The following DPYD variants were observed in gnomAD, a reference collection of about 807,000 sequenced individuals.
DPYD encodes dihydropyrimidine dehydrogenase [NADP(+)].
In DPYD, 109 loss-of-function variants were observed where a neutral mutation model predicts 116.2. The observed-to-expected ratio is 0.94, with a 90% CI of 0.80 to 1.10. The LOEUF (loss-of-function observed/expected upper bound fraction) is 1.10, where lower values mean the gene tolerates loss of function less well. DPYD is among the 50% of genes least tolerant of loss of function. The pLI, the probability that DPYD is intolerant of heterozygous loss-of-function variation, is 0.00. For synonymous variants in DPYD, 440 were observed against 432.0 expected, an observed-to-expected ratio of 1.02 and a Z score of -0.23; for missense variants, 1,302 against 1,254.5, an observed-to-expected ratio of 1.04 and a Z score of -0.57.
At chr1:97,850,220 A>G (rs959177521) in intron 2 of DPYD, among the ~76,000 whole-genome samples, 3 of 152,154 alleles carry the variant, frequency 2.0e-5, no homozygotes, top group African/African-American at 7.2e-5. Flanking sequence ...AATAGCTAAC[A>G]CCGCAGGCAA....
intron 7 of DPYD, among the ~76,000 whole-genome samples, chr1:97,690,201 A>G (rs1660942320): frequency 6.6e-6 from 1 of 152,054 alleles, no homozygotes; most frequent in Non-Finnish European, 1.5e-5. Context: ...AACGTTCTAG[A>G]TATTAATAGA....
chr1:97,618,828 C>T lies in DPYD; in HGVS notation c.851-23662G>A, dbSNP rs77605886. ...CACCATCACAGATTAATGAAGGGCA[C>T]GGGGTTCCTTGCCCATAGCTTAATA... is the stretch of plus-strand genomic sequence containing the variant. On this transcript the variant is annotated intron_variant, in intron 8 of 22. Coordinates refer to ENST00000370192, the MANE Select transcript of DPYD (RefSeq NM_000110.4). 4.0e-3 allele frequency among the ~76,000 whole-genome samples: 606 copies of T among 152,234 alleles called. 2 individuals are homozygous for T. The highest frequency in any genetic ancestry group is 0.014 in the African/African-American group (576 of 41,558).
At chr1:97,474,013 CT>C (rs1159652978) in intron 13 of DPYD, among the ~76,000 whole-genome samples, 80 of 77,200 alleles carry the variant, frequency 1.0e-3, no homozygotes, top group African/African-American at 3.3e-3. Context: ...GAGAAACTGT[CT>C]TTAAAAAAAA....
At chr1:97,779,830 T>C (rs919838466) in intron 3 of DPYD, among the ~76,000 whole-genome samples, 1 of 152,228 alleles carries the variant, frequency 6.6e-6, no homozygotes, top group East Asian at 1.9e-4. Flanking sequence ...GATAAGAATT[T>C]AGAAGTTGAA....
At chr1:97,221,658 A>G (rs1419924773) in intron 19 of DPYD, among the ~76,000 whole-genome samples, 1 of 152,140 alleles carries the variant, frequency 6.6e-6, no homozygotes, top group African/African-American at 2.4e-5. Flanking sequence ...TAAAACAAAT[A>G]TCAAAGTGTA....
chr1:97,233,365 G>C (rs72726646), intron 19 of DPYD, among the ~76,000 whole-genome samples: 2,010 of 152,202 alleles, frequency 0.013, 15 homozygotes, highest in Middle Eastern at 0.051. Flanking sequence ...ACTGCAGAAG[G>C]GGGGAGGACG....
At chr1:97,394,521 A>G (rs1220219312) in intron 14 of DPYD, 1 of 152,052 alleles carries the variant, frequency 6.6e-6, no homozygotes, top group Non-Finnish European at 1.5e-5. Context: ...GGCACCTGAA[A>G]GCACTTAACA....
chr1:97,228,508 G>T (rs996200998), intron 19 of DPYD, among the ~76,000 whole-genome samples: 1 of 152,010 alleles, frequency 6.6e-6, no homozygotes, highest in African/African-American at 2.4e-5. Flanking sequence ...CTTAATTTTA[G>T]TAGGGCACTC....
At chr1:97,688,534 T>C (rs1206033452) in intron 7 of DPYD, among the ~76,000 whole-genome samples, 1 of 151,950 alleles carries the variant, frequency 6.6e-6, no homozygotes, top group African/African-American at 2.4e-5. Flanking sequence ...AGATGACAAC[T>C]TCCAAATTTA....
At chr1:97,793,452 G>T (rs960104794) in intron 3 of DPYD, among the ~76,000 whole-genome samples, 2 of 152,100 alleles carry the variant, frequency 1.3e-5, no homozygotes, top group African/African-American at 4.8e-5. Context: ...ATAACTAACT[G>T]ATTTCAAGAC....
intron 21 of DPYD, among the ~76,000 whole-genome samples, chr1:97,086,213 C>T (rs1649502996): frequency 6.6e-6 from 1 of 152,116 alleles, no homozygotes; most frequent in Non-Finnish European, 1.5e-5. Flanking sequence ...GCCACCACGC[C>T]CGGCTAATTT....
chr1:97,215,345 T>G (rs1030014791), intron 19 of DPYD, among the ~76,000 whole-genome samples: 2 of 152,236 alleles, frequency 1.3e-5, no homozygotes, highest in African/African-American at 4.8e-5. Context: ...GAGTTCTCAG[T>G]GACTTCCTGT....
At chr1:97,499,073 G>T (rs1027897828) in intron 13 of DPYD, among the ~76,000 whole-genome samples, 4 of 151,642 alleles carry the variant, frequency 2.6e-5, no homozygotes, top group Admixed American at 1.3e-4. Flanking sequence ...AAGTTGAGTG[G>T]ATCAAAATAT....
At chr1:97,724,803 A>C (rs1056061799) in intron 4 of DPYD, among the ~76,000 whole-genome samples, 2 of 151,610 alleles carry the variant, frequency 1.3e-5, no homozygotes, top group African/African-American at 4.8e-5. Flanking sequence ...AAAATCAGCC[A>C]TCACACTAAC....
chr1:97,775,465 C>G (rs1666346344), intron 3 of DPYD, among the ~76,000 whole-genome samples: 1 of 152,096 alleles, frequency 6.6e-6, no homozygotes, highest in Non-Finnish European at 1.5e-5. Context: ...AATAACTTGA[C>G]TAGATAATAG....
rs1350338147 is a variant in DPYD at position 97,680,680 on chromosome 1, G to A, written c.763-1498C>T. Among the ~76,000 whole-genome samples the A allele has an allele frequency of 3.3e-5, 5 of 152,082 alleles. No individual in the cohort carries two copies. The East Asian group carries it at 5.8e-4, about 18-fold the overall frequency. On this transcript the variant is annotated intron_variant, in intron 7 of 22. Transcript: ENST00000370192. Reference sequence around the variant, plus strand: ...AAGCGATCTGGACATCCCACAGAACGTCACAGTGATTCATTACCTTGACGA... The same window carrying A: ...AAGCGATCTGGACATCCCACAGAACATCACAGTGATTCATTACCTTGACGA...
rs368973338 is a variant in DPYD, at chr1:97,091,624, A to C, written c.2766+6865T>G. Among the ~76,000 whole-genome samples, 6 of 152,328 alleles carry C rather than the reference A, an allele frequency of 3.9e-5. No homozygotes were observed. In the South Asian group the frequency reaches 8.3e-4, roughly 21 times the overall value. ...CTAGATGTGGTCTGAAATAATGGGC[A>C]AAATGGCAGGGACTTGTATAAAAAT... On this transcript the variant is annotated intron_variant, in intron 21 of 22. Coordinates refer to ENST00000370192, the MANE Select transcript of DPYD (RefSeq NM_000110.4).
chr1:97,338,362 T>C (rs1472820264), intron 16 of DPYD, among the ~76,000 whole-genome samples: 2 of 152,128 alleles, frequency 1.3e-5, no homozygotes, highest in African/African-American at 2.4e-5. Context: ...TTGAGTTTCC[T>C]GGAGAAGAGA....
At chr1:97,215,190 C>T (rs1380553083) in intron 19 of DPYD, among the ~76,000 whole-genome samples, 1 of 152,164 alleles carries the variant, frequency 6.6e-6, no homozygotes, top group African/African-American at 2.4e-5. Flanking sequence ...ATTATCTCCA[C>T]TTTACAGATA....
Sources: gnomAD v4.1 joint callset for allele counts (sites outside exome capture counted in the v4.1 genomes callset) on GRCh38, gnomAD v4.1.1 for gene constraint, MANE v1.5 for transcripts, NCBI Gene and HGNC (gene_info 2026-07-23, HGNC 2026-07-21) for gene names.